The following RARB variants were observed in gnomAD, a reference collection of about 807,000 sequenced individuals.
RARB encodes the protein HBV-activated protein.
A neutral mutation model predicts 51.9 loss-of-function variants in RARB; 17 were observed. The ratio of observed to expected loss-of-function variants is 0.33; its 90% CI spans 0.22 to 0.49. The LOEUF is 0.49. Among genes scored for constraint, RARB ranks in the 20% least tolerant of loss-of-function variants. The probability of loss-of-function intolerance (pLI) is 0.99; values close to 1 mark genes in which losing one functional copy is unlikely to be tolerated. For synonymous variants in RARB, 215 were observed against 195.4 expected (o/e 1.10, Z -0.84); for missense variants, 369 against 550.8 (o/e 0.67, Z 3.30).
chr3:25,245,095 A>T (rs1702525485), intron 5 of RARB, among the ~76,000 whole-genome samples: 2 of 152,130 alleles, frequency 1.3e-5, no homozygotes, highest in South Asian at 4.2e-4. Context: ...TTGTTGGTTT[A>T]AAGTCTATTT....
chr3:25,214,910 G>A (rs556772932), intron 5 of RARB, among the ~76,000 whole-genome samples: 2 of 152,342 alleles, frequency 1.3e-5, no homozygotes, highest in South Asian at 2.1e-4. Context: ...CCTCAGGGAA[G>A]AGTCACAGAA....
chr3:25,073,433 A>G lies in RARB; in HGVS notation c.-328+13257A>G, dbSNP rs13316870. Among the ~76,000 whole-genome samples the G allele has an allele frequency of 3.0e-3, 456 of 152,366 alleles. 4 individuals carry two copies. Among genetic ancestry groups the G allele is most frequent in the African/African-American group, 0.011 (445 of 41,594 alleles). The stretch of plus-strand genomic sequence containing the variant: ...CACCTCAGAACATTAGTTCTGCAAG[A>G]CAGTGAAAGCCTTTCAAAATAGGTT... On this transcript the variant is annotated intron_variant, in intron 3 of 11. Coordinates refer to the RARB transcript ENST00000383772.
At chr3:25,351,251 T>TTTTC (rs1180386160) in intron 5 of RARB, among the ~76,000 whole-genome samples, 7 of 152,052 alleles carry the variant, frequency 4.6e-5, no homozygotes, top group Non-Finnish European at 1.0e-4. Context: ...CTTGCTTTCT[T>TTTTC]TTTCTTTCTT....
intron 2 of RARB, among the ~76,000 whole-genome samples, chr3:25,008,893 T>A (rs117935193): frequency 6.6e-6 from 1 of 152,152 alleles, no homozygotes; most frequent in Non-Finnish European, 1.5e-5. Context: ...CACACTGATA[T>A]TTTTCATCTC....
At chr3:25,048,119 A>C (rs1424075663) in intron 2 of RARB, among the ~76,000 whole-genome samples, 1 of 152,134 alleles carries the variant, frequency 6.6e-6, no homozygotes, top group Non-Finnish European at 1.5e-5. Flanking sequence ...TCCACTATAA[A>C]CCTCTTTTTT....
chr3:25,436,729 G>C (rs1464752121), intron 1 of RARB, among the ~76,000 whole-genome samples: 3 of 152,182 alleles, frequency 2.0e-5, no homozygotes, highest in African/African-American at 7.2e-5. Context: ...CCTATCACCT[G>C]TACCTCAAAG....
intron 1 of RARB, among the ~76,000 whole-genome samples, chr3:25,437,096 C>T (rs1260283979): frequency 3.3e-5 from 5 of 149,830 alleles, no homozygotes; most frequent in Non-Finnish European, 3.0e-5. Context: ...CTGTGGCTTA[C>T]GTGCCTTTGC....
At chr3:25,009,050 G>T (rs1365939248) in intron 2 of RARB, among the ~76,000 whole-genome samples, 1 of 152,166 alleles carries the variant, frequency 6.6e-6, no homozygotes, top group Admixed American at 6.5e-5. Flanking sequence ...CTAAGAAGTT[G>T]CTGGTCCCTT....
intron 3 of RARB, among the ~76,000 whole-genome samples, chr3:25,068,852 G>A (rs1359859675): frequency 6.6e-6 from 1 of 151,722 alleles, no homozygotes; most frequent in East Asian, 1.9e-4. Flanking sequence ...ATTCTTTATG[G>A]TTAGTATCAG....
At chr3:25,065,372 A>C (rs1698641012) in intron 3 of RARB, among the ~76,000 whole-genome samples, 1 of 152,206 alleles carries the variant, frequency 6.6e-6, no homozygotes. Context: ...TAGACATTGC[A>C]TTTAAAAATC....
intron 7 of RARB, among the ~76,000 whole-genome samples, chr3:25,596,088 C>G (rs778217512): frequency 1.4e-4 from 21 of 152,172 alleles, no homozygotes; most frequent in Non-Finnish European, 2.5e-4. Flanking sequence ...GAATGAAGTT[C>G]TAGCAGATCA....
At chr3:25,143,868 T>C (rs1406578981) in intron 4 of RARB, among the ~76,000 whole-genome samples, 1 of 152,154 alleles carries the variant, frequency 6.6e-6, no homozygotes, top group Non-Finnish European at 1.5e-5. Context: ...GTGTGAAAAG[T>C]GCCTGGCATC....
intron 3 of RARB, among the ~76,000 whole-genome samples, chr3:25,076,101 G>C (rs978523817): frequency 5.3e-5 from 8 of 151,696 alleles, no homozygotes; most frequent in Admixed American, 1.3e-4. Flanking sequence ...GTTAGATTAA[G>C]CCCTTAAATT....
intron 5 of RARB, among the ~76,000 whole-genome samples, chr3:25,221,372 C>G (rs1031699543): frequency 6.6e-6 from 1 of 152,222 alleles, no homozygotes; most frequent in Non-Finnish European, 1.5e-5. Flanking sequence ...TTACATAACA[C>G]AGGTTTCATA....
chr3:25,163,388 C>T (rs1042341935), intron 4 of RARB, among the ~76,000 whole-genome samples: 18 of 151,510 alleles, frequency 1.2e-4, no homozygotes, highest in Admixed American at 3.3e-4. Flanking sequence ...TCCTGTAGTT[C>T]CAGCTACTCA....
At chr3:25,104,930 G>A (rs765875997) in intron 3 of RARB, among the ~76,000 whole-genome samples, 1 of 152,138 alleles carries the variant, frequency 6.6e-6, no homozygotes, top group African/African-American at 2.4e-5. Context: ...TGCAAGGGGA[G>A]CTCCTGTTTC....
chr3:25,030,302 C>T (rs943046825), intron 2 of RARB, among the ~76,000 whole-genome samples: 1 of 152,184 alleles, frequency 6.6e-6, no homozygotes, highest in African/African-American at 2.4e-5. Context: ...TTTTTTAAAT[C>T]ATCACTCTAC....
At chr3:25,376,112 G>A (rs1469819522) in intron 5 of RARB, among the ~76,000 whole-genome samples, 1 of 152,198 alleles carries the variant, frequency 6.6e-6, no homozygotes, top group Non-Finnish European at 1.5e-5. Context: ...GTCTAATGAT[G>A]TATTGCAGTG....
At chr3:25,155,462 C>T (rs1700358822) in intron 4 of RARB, among the ~76,000 whole-genome samples, 1 of 152,142 alleles carries the variant, frequency 6.6e-6, no homozygotes, top group Non-Finnish European at 1.5e-5. Context: ...TGGAACTGAA[C>T]AGAATTGAAT....
Sources: allele counts gnomAD v4.1 joint callset (sites outside exome capture counted in the v4.1 genomes callset), GRCh38; gene constraint gnomAD v4.1.1; transcripts MANE v1.5; gene names NCBI Gene and HGNC (gene_info 2026-07-23, HGNC 2026-07-21).